The following GPD2 variants were observed in gnomAD, a reference collection of about 807,000 sequenced individuals.
GPD2 encodes the protein glycerol-3-phosphate dehydrogenase, mitochondrial.
In GPD2, 54 loss-of-function variants were observed where a neutral mutation model predicts 82.4. The ratio of observed to expected loss-of-function variants is 0.66; its 90% CI spans 0.53 to 0.82. The LOEUF (loss-of-function observed/expected upper bound fraction) is 0.82. GPD2 is among the 40% of genes least tolerant of loss of function. The pLI is 0.00. For synonymous variants in GPD2, 288 were observed against 306.1 expected, an observed-to-expected ratio of 0.94 and a Z score of 0.62; for missense variants, 748 against 896.2, an observed-to-expected ratio of 0.83 and a Z score of 2.11.
intron 6 of GPD2, among the ~76,000 whole-genome samples, chr2:156,521,289 A>G (rs1685397822): frequency 2.0e-5 from 3 of 152,224 alleles, no homozygotes; most frequent in South Asian, 4.1e-4. Context: ...TTGCAATCAT[A>G]CTAGAAAGCT....
intron 1 of GPD2, among the ~76,000 whole-genome samples, chr2:156,459,191 TA>T (rs1035501606): frequency 1.3e-5 from 2 of 152,316 alleles, no homozygotes; most frequent in African/African-American, 2.4e-5. Context: ...GGGTGCCATT[TA>T]TTTTTTTAGA....
intron 1 of GPD2, among the ~76,000 whole-genome samples, chr2:156,470,942 T>C (rs958093966): frequency 8.5e-5 from 13 of 152,230 alleles, no homozygotes; most frequent in Admixed American, 7.9e-4. Context: ...TTTTCCCAAG[T>C]ACCTATTACT....
Position 156,496,124 on chromosome 2 carries a change from A to G in GPD2, c.183A>G (p.Leu61=), listed in dbSNP as rs1272002963. The G allele has an allele frequency of 1.2e-6, 2 of 1,612,374 alleles. No homozygotes were observed. Among genetic ancestry groups the G allele is most frequent in the Admixed American group, 3.3e-5 (2 of 60,010 alleles). The change falls in exon 3 of 17, where the codon CTA becomes CTG. Residue 61 remains leucine (L), a synonymous_variant. Transcript: ENST00000438166. ...AGCCTCCTTCCAGAGAAGCTCAGCT[A>G]CTGACTTTGCAAAACACATCTGAAT... The part of the protein sequence containing the change: ...NREPPSREAQ[L]LTLQNTSEFD...
chr2:156,418,564 C>G, the GPD2 span, among the ~76,000 whole-genome samples: 1 of 152,160 alleles, frequency 6.6e-6, no homozygotes, highest in African/African-American at 2.4e-5. Context: ...GCCAAATGGA[C>G]TGTGTGGGGC....
intron 2 of GPD2, among the ~76,000 whole-genome samples, chr2:156,480,990 A>G (rs1223259014): frequency 6.6e-6 from 1 of 151,694 alleles, no homozygotes; most frequent in Non-Finnish European, 1.5e-5. Flanking sequence ...TCTTCTTAGA[A>G]TCAGGGAAGT....
At chr2:156,468,934 T>C (rs1423529459) in intron 1 of GPD2, among the ~76,000 whole-genome samples, 2 of 152,204 alleles carry the variant, frequency 1.3e-5, no homozygotes, top group Non-Finnish European at 2.9e-5. Context: ...ATTCTAACTA[T>C]GTTTTTATAC....
At chr2:156,513,551 C>T in intron 6 of GPD2, 55 bp downstream of exon 6, 1 of 1,334,712 alleles carries the variant, frequency 7.5e-7, no homozygotes, top group Non-Finnish European at 1.1e-6. Flanking sequence ...TCACTCATGA[C>T]CCGTATAGTG....
At chr2:156,469,958 G>A (rs1206530371) in intron 1 of GPD2, among the ~76,000 whole-genome samples, 1 of 152,128 alleles carries the variant, frequency 6.6e-6, no homozygotes, top group African/African-American at 2.4e-5. Flanking sequence ...AAGAGTTAAG[G>A]GTGAGTCCAT....
intron 6 of GPD2, among the ~76,000 whole-genome samples, chr2:156,524,344 A>G (rs1379625775): frequency 6.6e-6 from 1 of 152,180 alleles, no homozygotes; most frequent in Non-Finnish European, 1.5e-5. Flanking sequence ...GTTATTTCTC[A>G]TAGTTCTGAG....
chr2:156,522,939 T>C (rs1344425358), intron 6 of GPD2, among the ~76,000 whole-genome samples: 1 of 128,008 alleles, frequency 7.8e-6, no homozygotes, highest in East Asian at 2.1e-4. Context: ...ACTTTACTTT[T>C]TTAGAGAAAT....
intron 6 of GPD2, among the ~76,000 whole-genome samples, chr2:156,536,122 A>G (rs1419417783): frequency 6.6e-6 from 1 of 152,224 alleles, no homozygotes; most frequent in East Asian, 1.9e-4. Context: ...CACATACTGA[A>G]TTCATTATGT....
chr2:156,455,691 T>G (rs924438120), intron 1 of GPD2, among the ~76,000 whole-genome samples: 9 of 152,208 alleles, frequency 5.9e-5, no homozygotes, highest in Non-Finnish European at 1.5e-5. Context: ...CCCCTGATGC[T>G]TCCTGCCTTC....
intron 2 of GPD2, among the ~76,000 whole-genome samples, chr2:156,493,072 G>A (rs1390768188): frequency 1.3e-5 from 2 of 152,106 alleles, no homozygotes; most frequent in Non-Finnish European, 2.9e-5. Context: ...CTCTCTTACT[G>A]TCTGTTGAGT....
At chr2:156,457,997 C>T (rs1682845401) in intron 1 of GPD2, among the ~76,000 whole-genome samples, 1 of 152,222 alleles carries the variant, frequency 6.6e-6, no homozygotes, top group Non-Finnish European at 1.5e-5. Context: ...TCACCCAGGG[C>T]TGTCTGTGTC....
intron 6 of GPD2, among the ~76,000 whole-genome samples, chr2:156,530,880 C>T (rs1198504921): frequency 1.3e-5 from 2 of 152,102 alleles, no homozygotes; most frequent in African/African-American, 2.4e-5. Context: ...TTTTTAGAGA[C>T]AGTGCCTCAC....
chr2:156,483,715 G>T (rs958904793), intron 2 of GPD2, among the ~76,000 whole-genome samples: 3 of 152,120 alleles, frequency 2.0e-5, no homozygotes, highest in African/African-American at 7.2e-5. Flanking sequence ...TAATCTTGTG[G>T]CATCTGCAGG....
chr2:156,547,419 A>C (rs1686586584), intron 6 of GPD2, among the ~76,000 whole-genome samples: 1 of 152,164 alleles, frequency 6.6e-6, no homozygotes, highest in Admixed American at 6.6e-5. Flanking sequence ...GTGTGTGTAA[A>C]GGCAAGGTGG....
intron 1 of GPD2, among the ~76,000 whole-genome samples, chr2:156,451,887 G>A (rs1320915751): frequency 6.6e-6 from 1 of 150,848 alleles, no homozygotes. Flanking sequence ...CGGGGCGGCC[G>A]GGCAGAGACG....
intron 8 of GPD2, among the ~76,000 whole-genome samples, chr2:156,552,977 G>A (rs1686819191): frequency 7.0e-6 from 1 of 142,572 alleles, no homozygotes; most frequent in Non-Finnish European, 1.5e-5. Flanking sequence ...TTGGCCCACT[G>A]CAACCTCCAC....
Sources: allele counts gnomAD v4.1 joint callset (sites outside exome capture counted in the v4.1 genomes callset), GRCh38; gene constraint gnomAD v4.1.1; transcripts MANE v1.5; gene names NCBI Gene and HGNC (gene_info 2026-07-23, HGNC 2026-07-21).